PTPRN2: variants seen among roughly 807,000 people sequenced by gnomAD.
The protein encoded by PTPRN2 is protein tyrosine phosphatase receptor type N2.
In PTPRN2, 74 loss-of-function variants were observed where a neutral mutation model predicts 118.8. The ratio of observed to expected loss-of-function variants is 0.62; its 90% confidence interval spans 0.52 to 0.76. PTPRN2 has a LOEUF of 0.76. Ranked by LOEUF, PTPRN2 falls within the 30% of genes least tolerant of loss-of-function variation. PTPRN2 has a pLI of 0.00. For missense variants in PTPRN2, 1,481 were observed against 1,394.4 expected (o/e 1.06, Z -0.99); for synonymous variants, 641 against 608.0 (o/e 1.05, Z -0.80).
rs140257079 is a variant in PTPRN2, at chr7:157,655,485, A to T, written c.2196+872T>A. On this transcript the variant is annotated intron_variant, in intron 14 of 22. Transcript: ENST00000389418. ...AACTCATTAGGCAAAAATAATTTTT[A>T]AAAAATGTAAGCATTTAACAGCAAC... 3.3e-3 allele frequency among the ~76,000 whole-genome samples: 510 copies of T among 152,350 alleles called. 4 individuals carry two copies. The highest frequency in any genetic ancestry group is 0.012 in the African/African-American group (488 of 41,584).
chr7:158,173,269 GTTCTT>G lies in PTPRN2; in HGVS notation c.550-5983_550-5979del, dbSNP rs1435212065. On this transcript the variant is annotated intron_variant, in intron 5 of 22. Transcript: ENST00000389418. ...ACCAGCCCCCAATATTTCAACACAG[GTTCTT>G]TTCTATTTTCCCTAAGTGTTGGCCA... Among the ~76,000 whole-genome samples the G allele has an allele frequency of 2.0e-5, 3 of 152,258 alleles. 1 individual carries two copies. The East Asian group carries it at 5.8e-4, about 29-fold the overall frequency.
At chr7:158,071,830 CGTGGTGG>C (rs1811870717) in intron 11 of PTPRN2, among the ~76,000 whole-genome samples, 6 of 54,642 alleles carry the variant, frequency 1.1e-4, no homozygotes, top group Admixed American at 3.6e-4. Flanking sequence ...TGGAGGTGCC[CGTGGTGG>C]AGGTGCTCGT....
At chr7:157,811,549 C>T (rs1047361249) in intron 12 of PTPRN2, among the ~76,000 whole-genome samples, 2 of 151,894 alleles carry the variant, frequency 1.3e-5, no homozygotes, top group Non-Finnish European at 2.9e-5. Flanking sequence ...GAACCCTGGC[C>T]AAATATACAG....
In PTPRN2 at chr7:158,316,843, C is replaced by A; in HGVS notation, c.253G>T (p.Ala85Ser). The A allele has an allele frequency of 6.2e-7, 1 of 1,608,256 alleles. No homozygotes were observed. Among genetic ancestry groups the A allele is most frequent in the Non-Finnish European group, 8.5e-7 (1 of 1,179,480 alleles). ...SPVALQRLRV[A>S]LQKLSGTGFT... ...CCTGTGCCGGAAAGCTTCTGCAACG[C>A]CACGCGCAGGCGCTGCAGGGCCACG... The change falls in exon 3 of 23, where the codon GCG becomes TCG. Residue 85 changes from alanine to serine, a missense_variant. By Grantham distance (99) the Ala-to-Ser change is moderately conservative. Coordinates refer to ENST00000389418, the MANE Select transcript of PTPRN2 (RefSeq NM_002847.5).
intron 3 of PTPRN2, among the ~76,000 whole-genome samples, chr7:158,263,521 C>T (rs1183153435): frequency 6.6e-6 from 1 of 152,254 alleles, no homozygotes; most frequent in Non-Finnish European, 1.5e-5. Flanking sequence ...TGGGGCAGGC[C>T]CATCAGCATC....
At chr7:157,854,104 G>A (rs993858740) in intron 12 of PTPRN2, among the ~76,000 whole-genome samples, 11 of 152,192 alleles carry the variant, frequency 7.2e-5, no homozygotes, top group Non-Finnish European at 8.8e-5. Flanking sequence ...GCGCCGCCCC[G>A]TCTGCTATGC....
At chr7:158,132,103 CAG>C (rs1818374957) in intron 9 of PTPRN2, among the ~76,000 whole-genome samples, 2 of 145,174 alleles carry the variant, frequency 1.4e-5, no homozygotes, top group Non-Finnish European at 3.0e-5. Flanking sequence ...CACATATGCA[CAG>C]ATACACACAC....
At chr7:157,604,152 C>G (rs1376232946) in intron 15 of PTPRN2, 77 bp from the exon 16 acceptor site, 10 of 1,358,722 alleles carry the variant, frequency 7.4e-6, no homozygotes, top group Non-Finnish European at 1.0e-5. Flanking sequence ...GCCTCCAGGG[C>G]CCCCCACCCA....
chr7:158,090,436 C>A (rs1290783258), intron 10 of PTPRN2, among the ~76,000 whole-genome samples: 1 of 152,226 alleles, frequency 6.6e-6, no homozygotes, highest in Non-Finnish European at 1.5e-5. Flanking sequence ...ATATGTTGTA[C>A]ATAGATAAGA....
At chr7:157,878,783 G>A (rs1795941968) in intron 12 of PTPRN2, among the ~76,000 whole-genome samples, 1 of 106,050 alleles carries the variant, frequency 9.4e-6, no homozygotes, top group Non-Finnish European at 1.9e-5. Flanking sequence ...CTTACTCACC[G>A]AGGAGCTCTC....
At chr7:158,057,120 G>A (rs574802020) in intron 11 of PTPRN2, among the ~76,000 whole-genome samples, 19 of 152,336 alleles carry the variant, frequency 1.2e-4, no homozygotes, top group African/African-American at 3.4e-4. Context: ...ACCTGTGGAC[G>A]CGGGAGCATC....
chr7:157,573,838 C>A (rs182067265), intron 19 of PTPRN2, among the ~76,000 whole-genome samples: 1 of 152,168 alleles, frequency 6.6e-6, no homozygotes, highest in Non-Finnish European at 1.5e-5. Context: ...GGGAAGGTTT[C>A]GCTGTAATTT....
chr7:158,367,089 G>C (rs1337543210), intron 2 of PTPRN2, among the ~76,000 whole-genome samples: 1 of 152,208 alleles, frequency 6.6e-6, no homozygotes, highest in African/African-American at 2.4e-5. Context: ...CCTGGAATGA[G>C]AGACAAGCTC....
At chr7:158,212,764 T>C (rs1406094312) in intron 3 of PTPRN2, among the ~76,000 whole-genome samples, 1 of 152,190 alleles carries the variant, frequency 6.6e-6, no homozygotes, top group Non-Finnish European at 1.5e-5. Flanking sequence ...ATCTTAGGTA[T>C]TTTGTTCTTC....
chr7:157,549,803 G>A (rs1424464623), intron 21 of PTPRN2, among the ~76,000 whole-genome samples: 8 of 152,236 alleles, frequency 5.3e-5, no homozygotes, highest in Admixed American at 5.2e-4. Context: ...GCCAGGATGA[G>A]AAACACAGAG....
chr7:157,898,242 T>C (rs1280749900), intron 12 of PTPRN2, among the ~76,000 whole-genome samples: 3 of 152,268 alleles, frequency 2.0e-5, no homozygotes, highest in Non-Finnish European at 4.4e-5. Context: ...CTGTTTTATA[T>C]TGCCTCTCCC....
intron 11 of PTPRN2, among the ~76,000 whole-genome samples, chr7:158,060,697 T>C (rs1810263358): frequency 6.6e-6 from 1 of 152,232 alleles, no homozygotes; most frequent in African/African-American, 2.4e-5. Context: ...CCAGAAATGG[T>C]TGACAGAGTG....
intron 5 of PTPRN2, among the ~76,000 whole-genome samples, chr7:158,183,975 T>C (rs1221816875): frequency 6.6e-6 from 1 of 152,232 alleles, no homozygotes; most frequent in East Asian, 1.9e-4. Flanking sequence ...CCATTTTTAA[T>C]GTGCTGCTTT....
chr7:158,191,340 T>A (rs1825748408), intron 5 of PTPRN2, among the ~76,000 whole-genome samples: 1 of 152,132 alleles, frequency 6.6e-6, no homozygotes, highest in Non-Finnish European at 1.5e-5. Flanking sequence ...ATGGCTTCCA[T>A]CTTAGAAAGG....
Sources: allele counts gnomAD v4.1 joint callset (sites outside exome capture counted in the v4.1 genomes callset), GRCh38; gene constraint gnomAD v4.1.1; transcripts MANE v1.5; gene names NCBI Gene and HGNC (gene_info 2026-07-23, HGNC 2026-07-21).